ZNF362: variants seen among roughly 807,000 people sequenced by gnomAD.
ZNF362 encodes zinc finger protein 362.
Under a neutral mutation model 42.9 loss-of-function variants are expected in ZNF362, and 11 were observed. The observed-to-expected ratio is 0.26, with a 90% confidence interval of 0.16 to 0.42. ZNF362 has a LOEUF of 0.42. Among genes scored for constraint, ZNF362 ranks in the 20% least tolerant of loss-of-function variants. ZNF362 has a pLI of 1.00. For synonymous variants in ZNF362, 255 were observed against 257.3 expected (o/e 0.99, Z 0.09); for missense variants, 362 against 576.2 (o/e 0.63, Z 3.81).
chr1:33,133,718 T>G, the ZNF362 span, among the ~76,000 whole-genome samples: 1 of 152,166 alleles, frequency 6.6e-6, no homozygotes, highest in African/African-American at 2.4e-5. Flanking sequence ...GGGCAGGCTG[T>G]GCTTCTGGCC....
intron 4 of ZNF362, among the ~76,000 whole-genome samples, chr1:33,276,830 G>T (rs574877299): frequency 6.6e-6 from 1 of 152,248 alleles, no homozygotes; most frequent in Non-Finnish European, 1.5e-5. Flanking sequence ...GACAGGAGCC[G>T]GTCACTGCCC....
At chr1:33,165,706 AC>A in the ZNF362 span, 1 of 610,292 alleles carries the variant, frequency 1.6e-6, no homozygotes, top group Non-Finnish European at 2.7e-6. The surrounding 1 kb of genome is among the most constrained non-coding windows in gnomAD (Gnocchi z 4.0). Flanking sequence ...CAGTTCAACC[AC>A]CAGCAAGTCC....
the ZNF362 span, among the ~76,000 whole-genome samples, chr1:33,238,381 T>TAAATAAAATA: frequency 0.013 from 1,378 of 105,322 alleles, 25 homozygotes; most frequent in African/African-American, 0.041. Flanking sequence ...TAAAATAAAA[T>TAAATAAAATA]AAATAAAATA....
chr1:33,270,644 G>A, intron 2 of ZNF362, 32 bp downstream of exon 2: 1 of 1,606,446 alleles, frequency 6.2e-7, no homozygotes, highest in South Asian at 1.1e-5. Context: ...GTTGCACTCT[G>A]TCAATGAGGG....
At chr1:33,133,978 T>C in the ZNF362 span, among the ~76,000 whole-genome samples, 1 of 152,244 alleles carries the variant, frequency 6.6e-6, no homozygotes, top group Non-Finnish European at 1.5e-5. Flanking sequence ...CCTCTGCTGT[T>C]ACCACTTACC....
the ZNF362 span, among the ~76,000 whole-genome samples, chr1:33,242,483 A>C: frequency 6.6e-6 from 1 of 152,150 alleles, no homozygotes; most frequent in Non-Finnish European, 1.5e-5. Context: ...ATACCCCATA[A>C]ATATACGAAA....
chr1:33,199,204 G>T, the ZNF362 span, among the ~76,000 whole-genome samples: 1 of 151,896 alleles, frequency 6.6e-6, no homozygotes, highest in South Asian at 2.1e-4. Context: ...GAAACATAAA[G>T]AAAAAATACA....
chr1:33,292,169 G>A (rs1646083298), intron 6 of ZNF362, among the ~76,000 whole-genome samples: 1 of 152,174 alleles, frequency 6.6e-6, no homozygotes, highest in African/African-American at 2.4e-5. Flanking sequence ...AATGCTTCCA[G>A]TTTTTGCCCA....
chr1:33,246,216 A>G, the ZNF362 span, among the ~76,000 whole-genome samples: 65 of 152,312 alleles, frequency 4.3e-4, no homozygotes, highest in Non-Finnish European at 7.6e-4. Context: ...GATTGACTCA[A>G]TATAGCCAAA....
chr1:33,178,655 T>C, the ZNF362 span, among the ~76,000 whole-genome samples: 2 of 152,158 alleles, frequency 1.3e-5, no homozygotes, highest in African/African-American at 2.4e-5. Flanking sequence ...CCTGACCCCA[T>C]TGTACAGACA....
chr1:33,144,092 T>C, the ZNF362 span, among the ~76,000 whole-genome samples: 1 of 152,098 alleles, frequency 6.6e-6, no homozygotes, highest in Non-Finnish European at 1.5e-5. Flanking sequence ...AGACACACTC[T>C]TACATGCAAA....
At chr1:33,275,950 T>G in intron 2 of ZNF362, 150 bp from the exon 3 acceptor site, 1 of 754,386 alleles carries the variant, frequency 1.3e-6, no homozygotes. Flanking sequence ...CCTGGCCTGG[T>G]GGGAGGCCTG....
At chr1:33,222,326 A>C in the ZNF362 span, among the ~76,000 whole-genome samples, 1 of 152,028 alleles carries the variant, frequency 6.6e-6, no homozygotes, top group Non-Finnish European at 1.5e-5. Context: ...AGCCCTGTAC[A>C]TCCTACCTCC....
the ZNF362 span, among the ~76,000 whole-genome samples, chr1:33,168,684 A>G: frequency 6.6e-6 from 1 of 152,230 alleles, no homozygotes; most frequent in African/African-American, 2.4e-5. Flanking sequence ...TTGAGCGGAT[A>G]CAGTCCTCGG....
At chr1:33,147,145 T>C in the ZNF362 span, 2 of 1,601,328 alleles carry the variant, frequency 1.2e-6, no homozygotes, top group South Asian at 1.1e-5. This position sits in a 1 kb window ranked among gnomAD's most constrained non-coding sequence, Gnocchi z 8.1. Context: ...GTGGCAGTGG[T>C]CCCAGGAGGT....
the ZNF362 span, among the ~76,000 whole-genome samples, chr1:33,210,936 ATTT>A: frequency 4.3e-5 from 6 of 139,856 alleles, no homozygotes; most frequent in Non-Finnish European, 6.3e-5. Context: ...TTTAAGGTTA[ATTT>A]TTTTTTTTTT....
chr1:33,200,014 A>AAAAAC, the ZNF362 span: 4 of 152,200 alleles, frequency 2.6e-5, no homozygotes, highest in African/African-American at 4.8e-5. Context: ...ACTCCATCTC[A>AAAAAC]AAAACAAAAC....
chr1:33,158,314 G>A, the ZNF362 span: 3 of 1,613,964 alleles, frequency 1.9e-6, no homozygotes, highest in Admixed American at 5.0e-5. Context: ...CTGTGTACTT[G>A]GAGGTCGGGA....
upstream of ZNF362, among the ~76,000 whole-genome samples, chr1:33,255,545 G>A (rs1645781011): frequency 6.6e-6 from 1 of 152,144 alleles, no homozygotes; most frequent in Non-Finnish European, 1.5e-5. Flanking sequence ...GGCCGAATCA[G>A]GAGGACTTGG....
Sources: allele counts gnomAD v4.1 joint callset (sites outside exome capture counted in the v4.1 genomes callset), GRCh38; gene constraint gnomAD v4.1.1; non-coding constraint Gnocchi (gnomAD v3.1); transcripts MANE v1.5; gene names NCBI Gene and HGNC (gene_info 2026-07-23, HGNC 2026-07-21).